The following TBC1D25 variants were observed in gnomAD, a reference collection of about 807,000 sequenced individuals.
The protein encoded by TBC1D25 is TBC1 domain family member 25, also known as 5SN3 snoRNA.
In TBC1D25, 13 loss-of-function variants were observed where a neutral mutation model predicts 38.8. That is an observed-to-expected ratio of 0.34 (90% CI 0.22 to 0.53). TBC1D25 has a LOEUF of 0.53. Ranked by LOEUF, TBC1D25 falls within the 20% of genes least tolerant of loss-of-function variation. The pLI is 0.94. For missense variants in TBC1D25, 372 were observed against 600.0 expected, an observed-to-expected ratio of 0.62 and a Z score of 3.97; for synonymous variants, 225 against 255.6, an observed-to-expected ratio of 0.88 and a Z score of 1.14.
chrX:48,555,711 T>C (rs1359391636), intron 3 of TBC1D25, among the ~76,000 whole-genome samples: 2 of 110,829 alleles, frequency 1.8e-5, no homozygotes, highest in Non-Finnish European at 3.8e-5. Flanking sequence ...TATTGATCAC[T>C]ATTTTTACTA....
intron 3 of TBC1D25, among the ~76,000 whole-genome samples, chrX:48,557,186 C>T (rs1220194678): frequency 9.1e-6 from 1 of 110,267 alleles, no homozygotes; most frequent in Non-Finnish European, 1.9e-5. Context: ...TATGATCGCA[C>T]CACTGCACTC....
chrX:48,549,840 A>AT (rs2061914917), intron 3 of TBC1D25, among the ~76,000 whole-genome samples: 1 of 111,847 alleles, frequency 8.9e-6, no homozygotes, highest in African/African-American at 3.2e-5. Flanking sequence ...CCCCATCCAT[A>AT]AGCTTATACA....
intron 3 of TBC1D25, among the ~76,000 whole-genome samples, chrX:48,554,412 T>C (rs1184074278): frequency 2.8e-5 from 3 of 107,769 alleles, no homozygotes; most frequent in Non-Finnish European, 5.8e-5. Context: ...TAGCAAAAAT[T>C]AGCCGGGCGT....
At chrX:48,557,788 G>A (rs1016701341) in intron 3 of TBC1D25, among the ~76,000 whole-genome samples, 2 of 97,945 alleles carry the variant, frequency 2.0e-5, no homozygotes, top group East Asian at 3.2e-4. Context: ...CAGCCTGGGC[G>A]ACAGAGTGAG....
intron 3 of TBC1D25, among the ~76,000 whole-genome samples, chrX:48,546,982 G>T (rs1261271262): frequency 1.8e-5 from 2 of 111,908 alleles, no homozygotes; most frequent in African/African-American, 6.5e-5. Context: ...TGCCCATTTG[G>T]GATGAGTCGA....
At chrX:48,559,580 G>C in intron 5 of TBC1D25, 34 bp from the exon 6 acceptor site, 2 of 1,189,673 alleles carry the variant, frequency 1.7e-6, no homozygotes, top group South Asian at 3.8e-5. Flanking sequence ...TTTATCTGGA[G>C]AACTCCAGCC....
chrX:48,547,608 C>T (rs146133191), intron 3 of TBC1D25, among the ~76,000 whole-genome samples: 22 of 112,381 alleles, frequency 2.0e-4, no homozygotes, highest in African/African-American at 6.1e-4. Flanking sequence ...GACAGAAAGA[C>T]ACCCAGTAGT....
chrX:48,545,099 C>T (rs1203392645), intron 3 of TBC1D25, 76 bp downstream of exon 3: 1 of 1,133,907 alleles, frequency 8.8e-7, no homozygotes, highest in Non-Finnish European at 1.2e-6. Flanking sequence ...CCTCACAGTA[C>T]ACTCCCTCAT....
rs781956829 is a variant in TBC1D25 at position 48,556,459 on chromosome X, C to G, written c.389-2438C>G. Among the ~76,000 whole-genome samples the G allele has an allele frequency of 2.7e-5, 3 of 111,327 alleles. No individual in the cohort carries two copies. In the East Asian group the frequency reaches 8.4e-4, roughly 31 times the overall value. On this transcript the variant is annotated intron_variant, in intron 3 of 5. Coordinates refer to ENST00000376771, the MANE Select transcript of TBC1D25 (RefSeq NM_002536.4). ...CTTAGTACAGATCAAAATGGAGTTT[C>G]TTACATCTTCCTTTTCTGCATAGAC...
At chrX:48,553,616 C>CTTTTTTTTT (rs1209605714) in intron 3 of TBC1D25, among the ~76,000 whole-genome samples, 1 of 53,296 alleles carries the variant, frequency 1.9e-5, no homozygotes, top group Non-Finnish European at 3.1e-5. Flanking sequence ...TTTTCTTTTT[C>CTTTTTTTTT]TTTTTTTTTT....
Position 48,561,138 on chromosome X carries a change from A to G in TBC1D25, c.*163A>G, listed in dbSNP as rs2062022951. ...TAAGTATGTGGAGCTCTGCTTTGGC[A>G]CTGCCCCGCAGAGGCCACGCCTATT... On this transcript the variant is annotated 3_prime_UTR_variant, in exon 6 of 6. Coordinates refer to ENST00000376771, the MANE Select transcript of TBC1D25 (RefSeq NM_002536.4). 1 of 568,368 alleles carries G rather than the reference A, an allele frequency of 1.8e-6. No individual in the cohort carries two copies. The highest frequency in any genetic ancestry group is 2.7e-6 in the Non-Finnish European group (1 of 374,006). The allele number at this position is 568,368 out of a possible 1,213,427, so 46.8% of individuals were successfully genotyped here.
chrX:48,556,741 C>T (rs1302420492), intron 3 of TBC1D25, among the ~76,000 whole-genome samples: 4 of 66,671 alleles, frequency 6.0e-5, no homozygotes, highest in African/African-American at 1.5e-4. Flanking sequence ...AACAAGACTC[C>T]GTCTCAAAAA....
At position 48,562,481 on chromosome X, in the gene TBC1D25, G is replaced by T. The variant is rs1297470844; in HGVS notation, c.*1506G>T. 3 of 112,157 alleles carry T rather than the reference G, an allele frequency of 2.7e-5. No individual in the cohort carries two copies. Among genetic ancestry groups the T allele is most frequent in the Non-Finnish European group, 5.6e-5 (3 of 53,200 alleles). 9.2% of individuals were successfully genotyped at this position (112,157 alleles called of 1,213,427 possible). A position where few individuals can be genotyped will look rare whatever the true frequency, so the allele number is the denominator to read the frequency against. On this transcript the variant is annotated 3_prime_UTR_variant, in exon 6 of 6. Coordinates refer to ENST00000376771, the MANE Select transcript of TBC1D25 (RefSeq NM_002536.4). ...TGTGTCTAGGGGGCTCAAGCACTGT[G>T]TGTGGGTCTAACGAATGCATTTTGT... is the stretch of plus-strand genomic sequence containing the variant.
intron 3 of TBC1D25, among the ~76,000 whole-genome samples, chrX:48,547,511 A>C (rs2061895497): frequency 8.9e-6 from 1 of 112,064 alleles, no homozygotes; most frequent in South Asian, 3.6e-4. Flanking sequence ...TTTCAGGAAA[A>C]AAATCAAATC....
intron 3 of TBC1D25, among the ~76,000 whole-genome samples, chrX:48,547,266 A>G (rs1289172457): frequency 8.9e-6 from 1 of 111,943 alleles, no homozygotes; most frequent in East Asian, 2.8e-4. Flanking sequence ...ATTTAACTCT[A>G]CAACATTTTG....
chrX:48,559,534 G>T, intron 5 of TBC1D25, 80 bp from the exon 6 acceptor site: 1 of 1,142,960 alleles, frequency 8.7e-7, no homozygotes, highest in African/African-American at 1.8e-5. Flanking sequence ...CCCAAGGGGG[G>T]TGGGTGGGTG....
At chrX:48,559,470 T>C in intron 5 of TBC1D25, 124 bp downstream of exon 5, 2 of 1,086,589 alleles carry the variant, frequency 1.8e-6, no homozygotes, top group Non-Finnish European at 2.5e-6. Context: ...CGAAGTTCTC[T>C]TTAAGGAGGG....
At chrX:48,553,092 T>G (rs1211351462) in intron 3 of TBC1D25, among the ~76,000 whole-genome samples, 2 of 110,151 alleles carry the variant, frequency 1.8e-5, no homozygotes, top group African/African-American at 6.6e-5. Flanking sequence ...ACCCAGCCAA[T>G]TTTTTTTCTT....
At chrX:48,544,777 G>A in intron 2 of TBC1D25, 92 bp from the exon 3 acceptor site, 2 of 1,085,399 alleles carry the variant, frequency 1.8e-6, no homozygotes, top group African/African-American at 3.7e-5. Context: ...TGTTTTCAAC[G>A]CCTTCTATAT....
Sources: gnomAD v4.1 joint callset for allele counts (sites outside exome capture counted in the v4.1 genomes callset) on GRCh38, gnomAD v4.1.1 for gene constraint, MANE v1.5 for transcripts, NCBI Gene and HGNC (gene_info 2026-07-23, HGNC 2026-07-21) for gene names.